Variants in ARFIP1 observed in about 807,000 individuals in gnomAD.
The protein encoded by ARFIP1 is ARF interacting protein 1, also known as arfaptin-1.
Under a neutral mutation model 42.5 loss-of-function variants are expected in ARFIP1, and 24 were observed. The ratio of observed to expected loss-of-function variants is 0.57; its 90% CI spans 0.41 to 0.80. The LOEUF is 0.80. Ranked by LOEUF, ARFIP1 falls within the 30% of genes least tolerant of loss-of-function variation. The pLI, the probability that ARFIP1 is intolerant of heterozygous loss-of-function variation, is 0.00. For missense variants in ARFIP1, 354 were observed against 434.0 expected (o/e 0.82, Z 1.64); for synonymous variants, 141 against 153.7 (o/e 0.92, Z 0.61).
At chr4:152,891,173 T>C (rs929970246) in intron 8 of ARFIP1, among the ~76,000 whole-genome samples, 38 of 152,302 alleles carry the variant, frequency 2.5e-4, no homozygotes, top group Admixed American at 2.5e-3. Flanking sequence ...TCTAATACCA[T>C]CACATTGAGG....
At chr4:152,792,318 A>G (rs986966561) in intron 1 of ARFIP1, among the ~76,000 whole-genome samples, 1 of 152,170 alleles carries the variant, frequency 6.6e-6, no homozygotes, top group African/African-American at 2.4e-5. Flanking sequence ...GAAGACTCAT[A>G]TTTTATCATA....
intron 2 of ARFIP1, among the ~76,000 whole-genome samples, chr4:152,855,892 A>G (rs1328410524): frequency 6.6e-6 from 1 of 152,210 alleles, no homozygotes; most frequent in Non-Finnish European, 1.5e-5. Context: ...CTGGCAGAGC[A>G]GGTTGCCTTG....
At chr4:152,900,040 A>G (rs1177723222) in intron 8 of ARFIP1, among the ~76,000 whole-genome samples, 1 of 152,096 alleles carries the variant, frequency 6.6e-6, no homozygotes, top group Non-Finnish European at 1.5e-5. Context: ...TTCAGATAGC[A>G]GAGAGAGAAG....
chr4:152,889,767 CTATATACTA>C (rs1736631243), intron 8 of ARFIP1, among the ~76,000 whole-genome samples: 1 of 18,238 alleles, frequency 5.5e-5, no homozygotes, highest in Non-Finnish European at 1.0e-4. Context: ...ATATACTATA[CTATATACTA>C]TATATACTAT....
chr4:152,791,353 A>G (rs1299330275), intron 1 of ARFIP1, among the ~76,000 whole-genome samples: 1 of 152,158 alleles, frequency 6.6e-6, no homozygotes, highest in Non-Finnish European at 1.5e-5. Context: ...TTTGACTGAA[A>G]AGCTTCTATA....
At chr4:152,792,514 TTA>T in intron 1 of ARFIP1, among the ~76,000 whole-genome samples, 1 of 152,186 alleles carries the variant, frequency 6.6e-6, no homozygotes, top group Non-Finnish European at 1.5e-5. Flanking sequence ...AGACCACCTG[TTA>T]TATGAGTACC....
intron 1 of ARFIP1, among the ~76,000 whole-genome samples, chr4:152,781,403 A>G (rs1730489415): frequency 6.6e-6 from 1 of 151,784 alleles, no homozygotes. Flanking sequence ...CGCCTAGCTA[A>G]TTTTTGTATT....
Position 152,895,819 on chromosome 4 carries a change from C to A in ARFIP1, c.966+7512C>A, listed in dbSNP as rs533860838. On this transcript the variant is annotated intron_variant, in intron 8 of 8. Coordinates refer to ENST00000353617, the MANE Select transcript of ARFIP1 (RefSeq NM_001025595.3). ...TCAAGCAGTCCTTCTGCCTCAGCCT[C>A]CCAAAGAGCTAGGATTATAGGCGTG... Among the ~76,000 whole-genome samples, 12 of 152,234 alleles carry A rather than the reference C, an allele frequency of 7.9e-5. No individual in the cohort carries two copies. The South Asian group carries it at 2.5e-3, about 32-fold the overall frequency.
At chr4:152,895,551 CTTTTTTTTTTTTTTT>C (rs34697452) in intron 8 of ARFIP1, among the ~76,000 whole-genome samples, 5 of 63,916 alleles carry the variant, frequency 7.8e-5, no homozygotes, top group African/African-American at 3.6e-4. Flanking sequence ...TGCACTTGGC[CTTTTTTTTTTTTTTT>C]TTTTTTTTTT....
At chr4:152,836,834 G>A (rs1731687031) in intron 2 of ARFIP1, among the ~76,000 whole-genome samples, 1 of 151,754 alleles carries the variant, frequency 6.6e-6, no homozygotes, top group African/African-American at 2.4e-5. Flanking sequence ...GGTGGTATTT[G>A]GTTACATGAA....
In ARFIP1 at chr4:152,910,392, G is replaced by A; in HGVS notation, c.*173G>A. The A allele has an allele frequency of 2.9e-6, 2 of 684,118 alleles. No individual in the cohort carries two copies. Among genetic ancestry groups the A allele is most frequent in the South Asian group, 2.7e-5 (1 of 36,634 alleles). 42.4% of individuals were successfully genotyped at this position (684,118 alleles called of 1,614,324 possible). A position where few individuals can be genotyped will look rare whatever the true frequency, so the allele number is the denominator to read the frequency against. On this transcript the variant is annotated 3_prime_UTR_variant, in exon 9 of 9. Transcript: ENST00000353617. ...CTTTAACAATTGAACTGTTAAGGGT[G>A]GTTTTAATGTAAACATAGTTTCTAT...
At chr4:152,869,789 A>G (rs1734723818) in intron 3 of ARFIP1, among the ~76,000 whole-genome samples, 1 of 152,212 alleles carries the variant, frequency 6.6e-6, no homozygotes, top group South Asian at 2.1e-4. Context: ...GTAATTTGCC[A>G]GGGTGTTCCT....
chr4:152,821,522 T>C (rs1038949659), intron 1 of ARFIP1, among the ~76,000 whole-genome samples: 1 of 152,094 alleles, frequency 6.6e-6, no homozygotes. Flanking sequence ...TTAACAATTA[T>C]AGGTGTTCCT....
chr4:152,874,234 G>A (rs1350265125), intron 5 of ARFIP1, among the ~76,000 whole-genome samples: 2 of 152,056 alleles, frequency 1.3e-5, no homozygotes, highest in Non-Finnish European at 2.9e-5. Context: ...ATATTGATAT[G>A]CCACATTTAG....
intron 1 of ARFIP1, among the ~76,000 whole-genome samples, chr4:152,816,032 C>T (rs1729858694): frequency 6.6e-6 from 1 of 152,158 alleles, no homozygotes; most frequent in Non-Finnish European, 1.5e-5. Context: ...GCGTGAGCCA[C>T]CGCGCCCGGC....
Position 152,882,816 on chromosome 4 carries a change from AAC to A in ARFIP1, c.730_731del (p.Thr244PhefsTer4). On this transcript the variant is annotated frameshift_variant, in exon 7 of 9. Transcript: ENST00000353617. LOFTEE classifies it high-confidence loss of function. Reference sequence around the variant, plus strand: ...CATTAATTTTTTCATTGCTAGTGTGAACACTTTGGTGAATAAAACCATTGAAG... The same window carrying A: ...CATTAATTTTTTCATTGCTAGTGTGAACTTTGGTGAATAAAACCATTGAAG... ...GAINFFIASV[N>X]TLVNKTIEDT... 1 of 1,611,906 alleles carries A rather than the reference AAC, an allele frequency of 6.2e-7. No homozygotes were observed. Among genetic ancestry groups the A allele is most frequent in the Non-Finnish European group, 8.5e-7 (1 of 1,179,106 alleles).
intron 4 of ARFIP1, 58 bp downstream of exon 4, chr4:152,870,906 T>G: frequency 7.1e-7 from 1 of 1,413,346 alleles, no homozygotes. Flanking sequence ...CTACACTAAT[T>G]TACTCAGTTT....
At chr4:152,907,246 G>C (rs1738436568) in intron 8 of ARFIP1, among the ~76,000 whole-genome samples, 1 of 152,108 alleles carries the variant, frequency 6.6e-6, no homozygotes, top group Admixed American at 6.5e-5. Context: ...TAACATTTTA[G>C]GTGGTTTTTT....
chr4:152,810,733 A>G (rs1361396374), intron 1 of ARFIP1, among the ~76,000 whole-genome samples: 5 of 151,936 alleles, frequency 3.3e-5, no homozygotes, highest in Admixed American at 6.6e-5. Context: ...GGAGAATGGC[A>G]TGAACCTGGG....
Sources: allele counts gnomAD v4.1 joint callset (sites outside exome capture counted in the v4.1 genomes callset), GRCh38; gene constraint gnomAD v4.1.1; transcripts MANE v1.5; gene names NCBI Gene and HGNC (gene_info 2026-07-23, HGNC 2026-07-21).